UBE2O: variants seen among roughly 807,000 people sequenced by gnomAD.
UBE2O encodes the protein ubiquitin conjugating enzyme E2 O.
In UBE2O, 15 loss-of-function variants were observed where a neutral mutation model predicts 125.8. The observed-to-expected ratio is 0.12, with a 90% CI of 0.08 to 0.18. UBE2O has a LOEUF of 0.18. Among genes scored for constraint, UBE2O ranks in the 10% least tolerant of loss-of-function variants. The pLI, the probability that UBE2O is intolerant of heterozygous loss-of-function variation, is 1.00. For synonymous variants in UBE2O, 708 were observed against 703.2 expected, an observed-to-expected ratio of 1.01 and a Z score of -0.11; for missense variants, 1,280 against 1,723.6, an observed-to-expected ratio of 0.74 and a Z score of 4.56.
At chr17:76,429,251 A>T (rs1481052656) in intron 1 of UBE2O, among the ~76,000 whole-genome samples, 2 of 151,978 alleles carry the variant, frequency 1.3e-5, no homozygotes, top group African/African-American at 4.8e-5. Flanking sequence ...ATTTCAAAAT[A>T]AAAAGTTGGG....
intron 1 of UBE2O, among the ~76,000 whole-genome samples, chr17:76,442,038 A>T (rs17596582): frequency 0.083 from 12,565 of 152,282 alleles, 712 homozygotes; most frequent in Non-Finnish European, 0.12. Flanking sequence ...ATAACCATTC[A>T]GGAAACCCAC....
At chr17:76,447,791 CT>C (rs775084525) in intron 1 of UBE2O, among the ~76,000 whole-genome samples, 1 of 152,156 alleles carries the variant, frequency 6.6e-6, no homozygotes, top group Non-Finnish European at 1.5e-5. Flanking sequence ...CCTCGTGCAC[CT>C]TTTGCTTCCC....
At chr17:76,433,929 T>G (rs2072942881) in intron 1 of UBE2O, among the ~76,000 whole-genome samples, 1 of 152,152 alleles carries the variant, frequency 6.6e-6, no homozygotes, top group Admixed American at 6.5e-5. Flanking sequence ...CTACAGTGTT[T>G]CCTGTAAATC....
intron 1 of UBE2O, among the ~76,000 whole-genome samples, chr17:76,446,305 TG>T (rs2073149928): frequency 6.6e-6 from 1 of 152,322 alleles, no homozygotes; most frequent in East Asian, 1.9e-4. Flanking sequence ...ACTGTTGTGC[TG>T]GCAATTCATG....
intron 1 of UBE2O, among the ~76,000 whole-genome samples, chr17:76,428,157 A>G (rs2072841858): frequency 6.6e-6 from 1 of 152,216 alleles, no homozygotes; most frequent in African/African-American, 2.4e-5. Context: ...TCTGGCTTCC[A>G]ATGAGGTTGA....
At chr17:76,411,064 A>T (rs2072508798) in intron 1 of UBE2O, among the ~76,000 whole-genome samples, 1 of 152,122 alleles carries the variant, frequency 6.6e-6, no homozygotes, top group African/African-American at 2.4e-5. Context: ...GGAAGAACAG[A>T]GTTTCACTCT....
chr17:76,435,798 G>A (rs933724143), intron 1 of UBE2O, among the ~76,000 whole-genome samples: 1 of 152,188 alleles, frequency 6.6e-6, no homozygotes, highest in African/African-American at 2.4e-5. Flanking sequence ...CTGAGCTGAA[G>A]GCACGACAGA....
rs371273433 is a variant in UBE2O, at chr17:76,445,439, C to T, written c.417+7286G>A. ...AACTCAAAATCCCCCAACCAAAGAA[C>T]CAGATTAAACCCAAAAAGGACATTC... On this transcript the variant is annotated intron_variant, in intron 1 of 17. Transcript: ENST00000319380. Among the ~76,000 whole-genome samples, 29 of 152,278 alleles carry T rather than the reference C, an allele frequency of 1.9e-4. No individual in the cohort carries two copies. In the East Asian group the frequency reaches 3.5e-3, roughly 18 times the overall value.
At chr17:76,437,896 A>G (rs968248473) in intron 1 of UBE2O, among the ~76,000 whole-genome samples, 3 of 152,346 alleles carry the variant, frequency 2.0e-5, no homozygotes, top group African/African-American at 4.8e-5. Context: ...TAGGACAGCA[A>G]TAAGAATTAA....
At chr17:76,397,924 C>A in intron 12 of UBE2O, 36 bp from the exon 13 acceptor site, 1 of 1,607,840 alleles carries the variant, frequency 6.2e-7, no homozygotes. Flanking sequence ...GGGGGCCCAG[C>A]TCAAGCTCCA....
intron 1 of UBE2O, among the ~76,000 whole-genome samples, chr17:76,426,769 A>G (rs1030818299): frequency 6.6e-6 from 1 of 152,202 alleles, no homozygotes; most frequent in Non-Finnish European, 1.5e-5. Context: ...TCTCCAAATT[A>G]GTGACGATCA....
chr17:76,415,985 G>GTA (rs2072600767), intron 1 of UBE2O, among the ~76,000 whole-genome samples: 1 of 151,436 alleles, frequency 6.6e-6, no homozygotes, highest in Non-Finnish European at 1.5e-5. Context: ...GTATACATAT[G>GTA]CACATACACG....
intron 1 of UBE2O, among the ~76,000 whole-genome samples, chr17:76,439,166 T>C: frequency 6.6e-6 from 1 of 152,252 alleles, no homozygotes; most frequent in Non-Finnish European, 1.5e-5. Flanking sequence ...CAAGCCTTTC[T>C]GCTCACTGCC....
At chr17:76,417,336 C>T (rs2072632903) in intron 1 of UBE2O, among the ~76,000 whole-genome samples, 1 of 152,228 alleles carries the variant, frequency 6.6e-6, no homozygotes, top group African/African-American at 2.4e-5. Context: ...AGGGCAGGTC[C>T]CTAGACGAGG....
chr17:76,401,142 C>G lies in UBE2O; in HGVS notation c.763G>C (p.Asp255His). 3 of 1,613,672 alleles carry G rather than the reference C, an allele frequency of 1.9e-6. No homozygotes were observed. Among genetic ancestry groups the G allele is most frequent in the Non-Finnish European group, 2.5e-6 (3 of 1,179,992 alleles). Residue 255 changes from aspartate to histidine, a missense_variant, in exon 6 of 18, where the codon GAT (aspartate) becomes CAT (histidine). Transcript: ENST00000319380. ...CCTGGGTAGAAGCCATAGGAATCAT[C>G]GAAGAAGAGACCCTGCGGGATGTGG... ...PHVSDSGLFF[D>H]DSYGFYPGQV... is the part of the protein sequence containing the mutation.
In UBE2O at chr17:76,397,207, T is replaced by A. The variant is rs567204511; in HGVS notation, c.2116-386A>T. Among the ~76,000 whole-genome samples, 17 of 152,270 alleles carry A rather than the reference T, an allele frequency of 1.1e-4. No individual in the cohort carries two copies. In the South Asian group the frequency reaches 3.5e-3, roughly 32 times the overall value. ...AGGCCTGTGTGGGGAGCTGGGAACA[T>A]ATGACAAGAGGGGACATGTAGAAGG... On this transcript the variant is annotated intron_variant, in intron 13 of 17. Transcript: ENST00000319380.
chr17:76,402,999 CA>C lies in UBE2O; in HGVS notation c.589-301del, dbSNP rs2072355062. Among the ~76,000 whole-genome samples, 4 of 152,138 alleles carry C rather than the reference CA, an allele frequency of 2.6e-5. No individual in the cohort carries two copies. The highest frequency in any genetic ancestry group is 5.9e-5 in the Non-Finnish European group (4 of 68,032). ...CCTGATGGCATCCATGGACATGGGACATCCATGGACACAGGACACCTGGCAA... is the reference window on the plus strand; with the variant it reads ...CCTGATGGCATCCATGGACATGGGACTCCATGGACACAGGACACCTGGCAA... On this transcript the variant is annotated intron_variant, in intron 3 of 17. Transcript: ENST00000319380. This position sits in a 1 kb window ranked among gnomAD's most constrained non-coding sequence, Gnocchi z 5.4.
Position 76,452,173 on chromosome 17 carries a change from G to A in UBE2O, c.417+552C>T, listed in dbSNP as rs56248611. The stretch of plus-strand genomic sequence containing the variant: ...CAAAGTTCCCTGCAGCAATTAAAAG[G>A]AGGCAGCAGGGTAAAACAAAAAGAG... On this transcript the variant is annotated intron_variant, in intron 1 of 17. Coordinates refer to ENST00000319380, the MANE Select transcript of UBE2O (RefSeq NM_022066.4). This position sits in a 1 kb window ranked among gnomAD's most constrained non-coding sequence, Gnocchi z 4.4. Among the ~76,000 whole-genome samples, 12,476 of 152,228 alleles carry A rather than the reference G, an allele frequency of 0.082. 702 individuals carry two copies. The highest frequency in any genetic ancestry group is 0.12 in the Non-Finnish European group (8,303 of 68,010).
In UBE2O at chr17:76,401,027, C is replaced by A. The variant is rs1598587791; in HGVS notation, c.878G>T (p.Arg293Leu). 6.2e-7 allele frequency: 1 copy of A among 1,613,848 alleles called. No homozygotes were observed. Residue 293 changes from arginine (R) to leucine (L), a missense_variant, in exon 6 of 18, where the codon CGA becomes CTA. Arg to Leu is a moderately radical substitution (Grantham distance 102, BLOSUM62 -2). This residue lies in a region of UBE2O where 206 missense variants were observed against 315.7 expected (regional missense o/e 0.65). Coordinates refer to ENST00000319380, the MANE Select transcript of UBE2O (RefSeq NM_022066.4). Reference protein sequence around the residue: ...KPVLSTKSKFRVVVEEVQVVE... With the variant: ...KPVLSTKSKFLVVVEEVQVVE... The stretch of plus-strand genomic sequence containing the variant: ...CGGACCCACCTCTTCCACCACCACT[C>A]GGAACTTGCTCTTGGTGCTGAGCAC...
Sources: gnomAD v4.1 joint callset for allele counts (sites outside exome capture counted in the v4.1 genomes callset) on GRCh38, gnomAD v4.1.1 for gene constraint, gnomAD v4.1.1 regional missense constraint, Gnocchi (gnomAD v3.1) non-coding constraint, MANE v1.5 for transcripts, NCBI Gene and HGNC (gene_info 2026-07-23, HGNC 2026-07-21) for gene names.